Variants in LIFR observed in about 807,000 individuals in gnomAD.
LIFR encodes the protein leukemia inhibitory factor receptor.
Under a neutral mutation model 122.2 loss-of-function variants are expected in LIFR, and 84 were observed. The observed-to-expected ratio is 0.69, with a 90% CI of 0.58 to 0.82. The LOEUF (loss-of-function observed/expected upper bound fraction) is 0.82. Ranked by LOEUF, LIFR falls within the 40% of genes least tolerant of loss-of-function variation. The pLI is 0.00. For missense variants in LIFR, 1,294 were observed against 1,311.6 expected (o/e 0.99, Z 0.21); for synonymous variants, 422 against 434.7 (o/e 0.97, Z 0.36).
chr5:38,547,702 C>T (rs1050370134), intron 1 of LIFR, among the ~76,000 whole-genome samples: 7 of 152,220 alleles, frequency 4.6e-5, no homozygotes, highest in East Asian at 1.9e-4. Flanking sequence ...AATATAGTCA[C>T]GTGTGCTTAA....
At chr5:38,522,555 A>G (rs762969555) in intron 5 of LIFR, among the ~76,000 whole-genome samples, 5 of 152,096 alleles carry the variant, frequency 3.3e-5, no homozygotes, top group Non-Finnish European at 7.4e-5. Context: ...ATACTTACCA[A>G]TATATTACAA....
intron 18 of LIFR, among the ~76,000 whole-genome samples, chr5:38,483,482 T>C (rs1744109535): frequency 6.6e-6 from 1 of 152,088 alleles, no homozygotes; most frequent in South Asian, 2.1e-4. Flanking sequence ...GGTGCAGTGG[T>C]GCAATCTTGA....
intron 1 of LIFR, among the ~76,000 whole-genome samples, chr5:38,545,881 A>AG (rs1359919398): frequency 1.3e-5 from 2 of 150,000 alleles, no homozygotes; most frequent in Non-Finnish European, 2.9e-5. Flanking sequence ...GAAAAAAAAA[A>AG]AAAAAAGAAA....
chr5:38,547,597 G>A (rs1747966824), intron 1 of LIFR, among the ~76,000 whole-genome samples: 1 of 151,918 alleles, frequency 6.6e-6, no homozygotes, highest in Non-Finnish European at 1.5e-5. Flanking sequence ...AAAATATTTA[G>A]AACAGTTGCC....
At chr5:38,483,454 G>A (rs1466708058) in intron 18 of LIFR, among the ~76,000 whole-genome samples, 1 of 151,464 alleles carries the variant, frequency 6.6e-6, no homozygotes. Flanking sequence ...ACAGAGTCTT[G>A]CACTGTTGCT....
chr5:38,530,992 G>A (rs528795673), intron 1 of LIFR: 51 of 227,974 alleles, frequency 2.2e-4, no homozygotes, highest in South Asian at 4.0e-4. Flanking sequence ...TAGAAAAGCA[G>A]TGCATGAGAC....
At chr5:38,516,153 A>G (rs1329002287) in intron 5 of LIFR, among the ~76,000 whole-genome samples, 2 of 152,160 alleles carry the variant, frequency 1.3e-5, no homozygotes, top group African/African-American at 2.4e-5. Flanking sequence ...TGGCTGACTT[A>G]CACATGTTGT....
intron 1 of LIFR, among the ~76,000 whole-genome samples, chr5:38,548,979 AC>A (rs1748046239): frequency 6.6e-6 from 1 of 152,154 alleles, no homozygotes; most frequent in Non-Finnish European, 1.5e-5. Flanking sequence ...TTTATTAAAT[AC>A]TACATGTGGG....
intron 1 of LIFR, among the ~76,000 whole-genome samples, chr5:38,585,965 T>G (rs912926811): frequency 1.3e-5 from 2 of 151,966 alleles, no homozygotes; most frequent in Admixed American, 6.6e-5. Context: ...CCCCTTCTGT[T>G]TCCCATCTGC....
intron 13 of LIFR, among the ~76,000 whole-genome samples, chr5:38,494,006 T>G (rs1431655087): frequency 1.3e-5 from 2 of 152,044 alleles, no homozygotes; most frequent in Admixed American, 1.3e-4. Context: ...ACACAGCAGC[T>G]CAAAGAAAGT....
rs1375097786 is a variant in LIFR, at chr5:38,480,326, G to A, written c.*1269C>T. 3.5e-5 allele frequency: 8 copies of A among 227,418 alleles called. No homozygotes were observed. The highest frequency in any genetic ancestry group is 1.8e-4 in the South Asian group (1 of 5,482). The allele number at this position is 227,418 out of a possible 1,614,324, so 14.1% of individuals were successfully genotyped here. A position where few individuals can be genotyped will look rare whatever the true frequency, so the allele number is the denominator to read the frequency against. On this transcript the variant is annotated 3_prime_UTR_variant, in exon 20 of 20. Transcript: ENST00000453190. The stretch of plus-strand genomic sequence containing the variant: ...CATCGCTTATGAGAAACAAGGGTGG[G>A]CAGAGGATGCTGTGCTGAAGGCAAT...
At chr5:38,539,661 G>GT (rs1359252728) in intron 1 of LIFR, among the ~76,000 whole-genome samples, 1 of 151,632 alleles carries the variant, frequency 6.6e-6, no homozygotes, top group African/African-American at 2.4e-5. Flanking sequence ...TCAAATTGAA[G>GT]TTTTTTTGGT....
chr5:38,513,230 T>C (rs376141773), intron 5 of LIFR, among the ~76,000 whole-genome samples: 3 of 152,248 alleles, frequency 2.0e-5, no homozygotes, highest in African/African-American at 4.8e-5. Flanking sequence ...AGATGGATAA[T>C]GGTAACTGAT....
chr5:38,483,184 G>T (rs1327414514), intron 18 of LIFR, among the ~76,000 whole-genome samples: 1 of 152,034 alleles, frequency 6.6e-6, no homozygotes, highest in African/African-American at 2.4e-5. Flanking sequence ...TACACTGCAG[G>T]CTGTGCTAAG....
chr5:38,505,896 ACAG>A lies in LIFR; in HGVS notation c.1291+6_1291+8del. On this transcript the variant is annotated splice_donor_region_variant and intron_variant, in intron 9 of 19. Coordinates refer to ENST00000453190, the MANE Select transcript of LIFR (RefSeq NM_001127671.2). ...TTATTTTTAAGACATTAGTTTATGT[ACAG>A]CTTACCTTTTTCAGTTATATTAACT... The A allele has an allele frequency of 6.3e-7, 1 of 1,588,050 alleles. No homozygotes were observed. Among genetic ancestry groups the A allele is most frequent in the Non-Finnish European group, 8.6e-7 (1 of 1,161,188 alleles).
rs183959416 is a variant in LIFR, at chr5:38,549,153, A to G, written c.-20+7181T>C. ...TGGGAAATCCAGGAAAGTAAAAAGAATAACAGTCAATTGTAATTTCCACAC... is the reference window on the plus strand; with the variant it reads ...TGGGAAATCCAGGAAAGTAAAAAGAGTAACAGTCAATTGTAATTTCCACAC... On this transcript the variant is annotated intron_variant, in intron 1 of 19. Coordinates refer to ENST00000453190, the MANE Select transcript of LIFR (RefSeq NM_001127671.2). Among the ~76,000 whole-genome samples the G allele has an allele frequency of 2.6e-5, 4 of 152,210 alleles. No individual in the cohort carries two copies. The East Asian group carries it at 5.8e-4, about 22-fold the overall frequency.
In LIFR at chr5:38,537,537, A is replaced by G. The variant is rs1243872951; in HGVS notation, c.-19-6871T>C. ...TTTAACGATGAAGTGCTCTATTATT[A>G]AACAACCTGAAGAACATTCCTCCAA... is the stretch of plus-strand genomic sequence containing the variant. On this transcript the variant is annotated intron_variant, in intron 1 of 19. Transcript: ENST00000453190. Among the ~76,000 whole-genome samples the G allele has an allele frequency of 2.0e-5, 3 of 152,228 alleles. No individual in the cohort carries two copies. In the East Asian group the frequency reaches 5.8e-4, roughly 29 times the overall value.
In LIFR at chr5:38,511,897, G is replaced by A. The variant is rs967925634; in HGVS notation, c.629C>T (p.Pro210Leu). 3 of 1,613,966 alleles carry A rather than the reference G, an allele frequency of 1.9e-6. No homozygotes were observed. The highest frequency in any genetic ancestry group is 2.5e-6 in the Non-Finnish European group (3 of 1,179,934). ...LHHWSWASDM[P>L]LECAIHFVEI... Reference sequence around the variant, plus strand: ...CACAAAATGAATGGCACATTCCAAGGGCATATCTGAGGCCCAACTCCAGTG... The same window carrying A: ...CACAAAATGAATGGCACATTCCAAGAGCATATCTGAGGCCCAACTCCAGTG... Residue 210 changes from proline (P) to leucine (L), a missense_variant, in exon 6 of 20, where the codon CCC (proline) becomes CTC (leucine). Transcript: ENST00000453190.
intron 1 of LIFR, among the ~76,000 whole-genome samples, chr5:38,571,467 G>C (rs1448652829): frequency 2.1e-5 from 3 of 140,842 alleles, no homozygotes; most frequent in Non-Finnish European, 3.0e-5. Flanking sequence ...GGGCAGGAGA[G>C]TCACCTGAAT....
Sources: gnomAD v4.1 joint callset for allele counts (sites outside exome capture counted in the v4.1 genomes callset) on GRCh38, gnomAD v4.1.1 for gene constraint, MANE v1.5 for transcripts, NCBI Gene and HGNC (gene_info 2026-07-23, HGNC 2026-07-21) for gene names.